Variants in PDE4D observed in about 807,000 individuals in gnomAD.
PDE4D encodes the protein phosphodiesterase 4D.
A neutral mutation model predicts 87.4 loss-of-function variants in PDE4D; 24 were observed. That is an observed-to-expected ratio of 0.27 (90% CI 0.20 to 0.39). The LOEUF is 0.39. PDE4D is among the 10% of genes least tolerant of loss of function. PDE4D has a pLI of 1.00. For synonymous variants in PDE4D, 384 were observed against 383.2 expected (o/e 1.00, Z -0.02); for missense variants, 714 against 1,041.0 (o/e 0.69, Z 4.32).
At chr5:59,615,951 A>G (rs2053229) in intron 1 of PDE4D, among the ~76,000 whole-genome samples, 244 of 152,254 alleles carry the variant, frequency 1.6e-3, no homozygotes, top group African/African-American at 5.3e-3. Context: ...TATTTTCCAT[A>G]AGCATCCACA....
chr5:59,588,142 G>C (rs565125270), intron 1 of PDE4D, among the ~76,000 whole-genome samples: 3 of 152,202 alleles, frequency 2.0e-5, no homozygotes, highest in Middle Eastern at 3.4e-3. Context: ...TTGCAATTGC[G>C]CATGCCATAA....
intron 1 of PDE4D, chr5:60,185,770 A>G (rs1784726350): frequency 2.1e-6 from 1 of 484,474 alleles, no homozygotes; most frequent in Non-Finnish European, 3.8e-6. Context: ...TGGGACAGTT[A>G]ATTCTTAAAT....
At chr5:59,740,227 T>C (rs1228284575) in intron 1 of PDE4D, among the ~76,000 whole-genome samples, 1 of 152,216 alleles carries the variant, frequency 6.6e-6, no homozygotes, top group African/African-American at 2.4e-5. Flanking sequence ...GTCTGGACTT[T>C]CTAAGTACAT....
chr5:60,058,016 G>T (rs1463314849), intron 2 of PDE4D, among the ~76,000 whole-genome samples: 5 of 151,872 alleles, frequency 3.3e-5, no homozygotes, highest in African/African-American at 1.2e-4. Flanking sequence ...ATTGATTCTG[G>T]ATGCTCTATG....
intron 2 of PDE4D, among the ~76,000 whole-genome samples, chr5:59,993,659 G>C (rs184335584): frequency 6.6e-6 from 1 of 152,028 alleles, no homozygotes; most frequent in Non-Finnish European, 1.5e-5. Context: ...TTTTGTTTTA[G>C]TATCTTTATT....
At chr5:59,979,298 G>C (rs1213235342) in intron 3 of PDE4D, among the ~76,000 whole-genome samples, 1 of 151,406 alleles carries the variant, frequency 6.6e-6, no homozygotes, top group Non-Finnish European at 1.5e-5. Flanking sequence ...TGGTAAAGAA[G>C]TATAGTATTT....
intron 1 of PDE4D, among the ~76,000 whole-genome samples, chr5:59,808,032 T>A (rs995368082): frequency 1.3e-5 from 2 of 152,228 alleles, no homozygotes; most frequent in African/African-American, 2.4e-5. Flanking sequence ...TGTCATTTTT[T>A]AAATGCTGAG....
chr5:59,204,591 G>A (rs12522563), intron 2 of PDE4D, among the ~76,000 whole-genome samples: 27,172 of 152,146 alleles, frequency 0.18, 3,010 homozygotes, highest in Non-Finnish European at 0.24. Context: ...TTTCTAGGAC[G>A]GCTGATGTCC....
At chr5:60,307,980 G>A (rs1392084168) in intron 1 of PDE4D, among the ~76,000 whole-genome samples, 1 of 152,114 alleles carries the variant, frequency 6.6e-6, no homozygotes, top group African/African-American at 2.4e-5. Context: ...GGCTATGGTT[G>A]CAGTGAGCCG....
chr5:59,639,049 A>G (rs1276378642), intron 1 of PDE4D, among the ~76,000 whole-genome samples: 1 of 152,156 alleles, frequency 6.6e-6, no homozygotes, highest in Non-Finnish European at 1.5e-5. Flanking sequence ...ACTAAATTCC[A>G]TTACCTAGAA....
chr5:59,012,372 G>T (rs1341890002), intron 6 of PDE4D, among the ~76,000 whole-genome samples: 7 of 152,128 alleles, frequency 4.6e-5, no homozygotes, highest in Non-Finnish European at 1.0e-4. Flanking sequence ...TGGATAAAGA[G>T]TCAAGACCCA....
chr5:59,283,275 G>GATTTAAAATAA (rs1271806547), intron 1 of PDE4D, among the ~76,000 whole-genome samples: 1 of 152,102 alleles, frequency 6.6e-6, no homozygotes, highest in Non-Finnish European at 1.5e-5. Flanking sequence ...ACTAGTATTT[G>GATTTAAAATAA]ATTTAAAATA....
rs191382564 is a variant in PDE4D at position 60,141,615 on chromosome 5, C to T, written c.42+43942G>A. Among the ~76,000 whole-genome samples, 7 of 152,214 alleles carry T rather than the reference C, an allele frequency of 4.6e-5. No homozygotes were observed. The South Asian group carries it at 8.3e-4, about 18-fold the overall frequency. ...TTGCTTACCCCCTTTACTCTCTGGA[C>T]GTGCTTCACCTGATCCTGGTCACCC... On this transcript the variant is annotated intron_variant, in intron 2 of 16. Coordinates refer to the PDE4D transcript ENST00000502484.
chr5:59,487,120 AC>A (rs1361443536), intron 1 of PDE4D, among the ~76,000 whole-genome samples: 1 of 152,194 alleles, frequency 6.6e-6, no homozygotes, highest in Non-Finnish European at 1.5e-5. Context: ...AAACAAGCAA[AC>A]AAAATCCTAG....
At chr5:60,376,443 C>A (rs1761442124) in intron 1 of PDE4D, among the ~76,000 whole-genome samples, 1 of 152,176 alleles carries the variant, frequency 6.6e-6, no homozygotes, top group Non-Finnish European at 1.5e-5. Flanking sequence ...AACTGTTTAG[C>A]CGGGGTTCCT....
chr5:60,185,687 G>A (rs1321059779), exon 2 of PDE4D: 4 of 753,654 alleles, frequency 5.3e-6, no homozygotes, highest in Non-Finnish European at 8.8e-6. Context: ...CAACTGGAAT[G>A]CTGAAAAGAA....
chr5:60,422,989 T>C (rs1038745738), intron 1 of PDE4D, among the ~76,000 whole-genome samples: 2 of 151,982 alleles, frequency 1.3e-5, no homozygotes, highest in African/African-American at 4.8e-5. Context: ...AACAAGAAGA[T>C]CTAACTAACC....
chr5:59,224,122 CAAAAAAAAAAAAAA>C (rs762239197), intron 1 of PDE4D, among the ~76,000 whole-genome samples: 1 of 21,840 alleles, frequency 4.6e-5, no homozygotes, highest in African/African-American at 1.3e-4. Context: ...CCTGTTTCTA[CAAAAAAAAAAAAAA>C]AAAAAAAAAA....
In PDE4D at chr5:59,668,824, AGAAGAAGAGGAAGAG is replaced by A. The variant is rs1561440945; in HGVS notation, c.455+224329_455+224343del. On this transcript the variant is annotated intron_variant, in intron 1 of 14. Transcript: ENST00000340635. Reference sequence around the variant, plus strand: ...AGAAGAAAGAAGAAGAAGAAGAAGAAGAAGAAGAGGAAGAGGAAGAGGAAGAAGAAGAAGAAGAAG... The same window carrying A: ...AGAAGAAAGAAGAAGAAGAAGAAGAAGAAGAGGAAGAAGAAGAAGAAGAAG... Among the ~76,000 whole-genome samples the A allele has an allele frequency of 4.5e-4, 44 of 96,714 alleles. 4 individuals carry two copies. Among genetic ancestry groups the A allele is most frequent in the African/African-American group, 2.1e-3 (43 of 20,568 alleles). The allele number at this position is 96,714 out of a possible 152,430, so 63.4% of individuals were successfully genotyped here. A position where few individuals can be genotyped will look rare whatever the true frequency, so the allele number is the denominator to read the frequency against.
Sources: gnomAD v4.1 joint callset for allele counts (sites outside exome capture counted in the v4.1 genomes callset) on GRCh38, gnomAD v4.1.1 for gene constraint, MANE v1.5 for transcripts, NCBI Gene and HGNC (gene_info 2026-07-23, HGNC 2026-07-21) for gene names.